The following SEMA3D variants were observed in gnomAD, a reference collection of about 807,000 sequenced individuals.
SEMA3D encodes the protein semaphorin-3D.
In SEMA3D, 84 loss-of-function variants were observed where a neutral mutation model predicts 100.1. The observed-to-expected ratio is 0.84, with a 90% CI of 0.70 to 1.01. The LOEUF (loss-of-function observed/expected upper bound fraction) is 1.01, where lower values mean the gene tolerates loss of function less well. SEMA3D is among the 50% of genes least tolerant of loss of function. The probability of loss-of-function intolerance (pLI) is 0.00; values close to 1 mark genes in which losing one functional copy is unlikely to be tolerated. For missense variants in SEMA3D, 875 were observed against 934.1 expected (o/e 0.94, Z 0.82); for synonymous variants, 312 against 320.7 (o/e 0.97, Z 0.29).
chr7:85,056,501 A>C (rs1791321498), intron 8 of SEMA3D, among the ~76,000 whole-genome samples: 1 of 151,702 alleles, frequency 6.6e-6, no homozygotes, highest in Non-Finnish European at 1.5e-5. Context: ...ATTATTATCA[A>C]GTGGATTTAT....
At chr7:85,169,875 T>G (rs975483050) in intron 1 of SEMA3D, among the ~76,000 whole-genome samples, 3 of 151,686 alleles carry the variant, frequency 2.0e-5, no homozygotes, top group Admixed American at 6.6e-5. Context: ...ACTGATAGAT[T>G]GCTAGTGAGA....
At chr7:85,038,007 A>G (rs1386566762) in intron 11 of SEMA3D, among the ~76,000 whole-genome samples, 1 of 131,686 alleles carries the variant, frequency 7.6e-6, no homozygotes, top group Non-Finnish European at 1.6e-5. Flanking sequence ...GAGAACACAT[A>G]GACACAGGAA....
intron 1 of SEMA3D, among the ~76,000 whole-genome samples, chr7:85,153,966 A>G (rs1294004649): frequency 2.0e-5 from 3 of 152,172 alleles, no homozygotes; most frequent in Non-Finnish European, 4.4e-5. Context: ...ACAGACGGCA[A>G]TCTGCTTTAC....
At chr7:85,189,395 C>T (rs1427325881), upstream of SEMA3D, among the ~76,000 whole-genome samples, 2 of 152,088 alleles carry the variant, frequency 1.3e-5, no homozygotes, top group Non-Finnish European at 2.9e-5. Flanking sequence ...TTGAGATCTA[C>T]TTTCATCAAA....
chr7:85,097,690 T>C (rs1788603263), intron 4 of SEMA3D, 115 bp downstream of exon 4: 2 of 536,188 alleles, frequency 3.7e-6, no homozygotes, highest in Non-Finnish European at 6.5e-6. Context: ...TTTTGACATG[T>C]ATGTGATGCA....
chr7:85,022,555 A>G lies in SEMA3D; in HGVS notation c.1250T>C (p.Val417Ala). 1 of 1,612,568 alleles carries G rather than the reference A, an allele frequency of 6.2e-7. No individual in the cohort carries two copies. Among genetic ancestry groups the G allele is most frequent in the Non-Finnish European group, 8.5e-7 (1 of 1,179,012 alleles). ...IKSTRDFPDD[V>A]ISFIKRHSVM... is the part of the protein sequence containing the mutation. ...AGAGTGCCGCTTTATGAAACTGATG[A>G]CATCATCTGGAAAATCTCGGGTGGA... Residue 417 changes from valine (V) to alanine (A), a missense_variant, in exon 13 of 19, where the codon GTC (valine) becomes GCC (alanine). By Grantham distance (64) the Val-to-Ala change is moderately conservative. Transcript: ENST00000284136.
intron 3 of SEMA3D, among the ~76,000 whole-genome samples, chr7:85,114,784 T>A (rs537649300): frequency 1.6e-4 from 25 of 152,184 alleles, no homozygotes; most frequent in Admixed American, 4.6e-4. Flanking sequence ...AGGGCTGAGA[T>A]GAATGAAAAT....
intron 3 of SEMA3D, among the ~76,000 whole-genome samples, chr7:85,102,359 C>A (rs1412585952): frequency 6.6e-6 from 1 of 151,942 alleles, no homozygotes; most frequent in African/African-American, 2.4e-5. Flanking sequence ...TGTGTCAGGG[C>A]AAAGACCATG....
In SEMA3D at chr7:85,074,612, T is replaced by C. The variant is rs1253273928; in HGVS notation, c.376-1531A>G. 4.6e-5 allele frequency among the ~76,000 whole-genome samples: 7 copies of C among 151,222 alleles called. No individual in the cohort carries two copies. In the East Asian group the frequency reaches 9.7e-4, roughly 21 times the overall value. On this transcript the variant is annotated intron_variant, in intron 5 of 18. Transcript: ENST00000284136. ...AGATCTGAAGATCTGAGGTACAATG[T>C]TTCAACTGGCATATATATATATATA...
intron 5 of SEMA3D, among the ~76,000 whole-genome samples, chr7:85,077,404 T>C (rs1787902778): frequency 6.6e-6 from 1 of 152,022 alleles, no homozygotes; most frequent in East Asian, 1.9e-4. Flanking sequence ...TCTATACATA[T>C]TTATGTTATA....
At chr7:85,073,688 A>T (rs1791840976) in intron 5 of SEMA3D, among the ~76,000 whole-genome samples, 2 of 152,204 alleles carry the variant, frequency 1.3e-5, no homozygotes, top group South Asian at 4.1e-4. Context: ...CACTGAACAC[A>T]AACGTGCATC....
chr7:85,158,422 C>T (rs959111952), intron 1 of SEMA3D, among the ~76,000 whole-genome samples: 2 of 152,128 alleles, frequency 1.3e-5, no homozygotes, highest in South Asian at 2.1e-4. Context: ...TCTCCTGTAG[C>T]GCTCCTAGGC....
chr7:85,050,613 T>C (rs1036754777), intron 9 of SEMA3D: 1 of 409,914 alleles, frequency 2.4e-6, no homozygotes, highest in Non-Finnish European at 4.4e-6. Flanking sequence ...TCAGTTTATT[T>C]ATTGTGTCTC....
At chr7:85,071,317 G>T (rs12673176) in intron 6 of SEMA3D, among the ~76,000 whole-genome samples, 32,337 of 152,044 alleles carry the variant, frequency 0.21, 4,246 homozygotes, top group East Asian at 0.49. Context: ...TAACTGTCAG[G>T]GTTGCTTTAT....
intron 12 of SEMA3D, among the ~76,000 whole-genome samples, chr7:85,023,380 A>G (rs1392444622): frequency 1.3e-5 from 2 of 151,794 alleles, no homozygotes; most frequent in African/African-American, 4.8e-5. Context: ...TTTTTTTTCC[A>G]GAAAATATCA....
intron 4 of SEMA3D, among the ~76,000 whole-genome samples, chr7:85,085,288 T>TA (rs1316148857): frequency 2.0e-5 from 3 of 152,162 alleles, no homozygotes; most frequent in Admixed American, 6.5e-5. Flanking sequence ...AAATGAGTCT[T>TA]AAAAAGGATA....
At chr7:85,137,049 T>A (rs1789887400) in intron 2 of SEMA3D, among the ~76,000 whole-genome samples, 1 of 152,112 alleles carries the variant, frequency 6.6e-6, no homozygotes, top group African/African-American at 2.4e-5. Context: ...TTTTAAATGA[T>A]TAACAACATA....
intron 12 of SEMA3D, chr7:85,029,651 A>C: frequency 2.4e-6 from 1 of 416,996 alleles, no homozygotes. Context: ...GAGCTCCTGC[A>C]TCTGGTGGTG....
intron 8 of SEMA3D, among the ~76,000 whole-genome samples, chr7:85,058,520 G>T (rs941047750): frequency 1.3e-5 from 2 of 151,920 alleles, no homozygotes; most frequent in Admixed American, 6.6e-5. Context: ...GGCCGAGGCC[G>T]GCAGATCACG....
Sources: allele counts gnomAD v4.1 joint callset (sites outside exome capture counted in the v4.1 genomes callset), GRCh38; gene constraint gnomAD v4.1.1; transcripts MANE v1.5; gene names NCBI Gene and HGNC (gene_info 2026-07-23, HGNC 2026-07-21).